The following GNAL variants were observed in gnomAD, a reference collection of about 807,000 sequenced individuals.
GNAL encodes the protein guanine nucleotide-binding protein G(olf) subunit alpha.
Under a neutral mutation model 55.1 loss-of-function variants are expected in GNAL, and 18 were observed. That is an observed-to-expected ratio of 0.33 (90% CI 0.23 to 0.48). The LOEUF is 0.48. Among genes scored for constraint, GNAL ranks in the 20% least tolerant of loss-of-function variants. The pLI is 0.99. For missense variants in GNAL, 412 were observed against 614.1 expected (o/e 0.67, Z 3.48); for synonymous variants, 253 against 237.0 (o/e 1.07, Z -0.62).
Position 11,751,646 on chromosome 18 carries a change from G to A in GNAL, c.377-1207G>A. On this transcript the variant is annotated intron_variant, in intron 1 of 11. Transcript: ENST00000334049. This position sits in a 1 kb window ranked among gnomAD's most constrained non-coding sequence, Gnocchi z 4.5. ...CACTTTCCCGGCTCGGGGTGCAAGAGAGCCAGGCGGCCGCGGCGCAGCGGA... is the reference window on the plus strand; with the variant it reads ...CACTTTCCCGGCTCGGGGTGCAAGAAAGCCAGGCGGCCGCGGCGCAGCGGA... 1 of 985,458 alleles carries A rather than the reference G, an allele frequency of 1.0e-6. No individual in the cohort carries two copies. The allele number at this position is 985,458 out of a possible 1,614,324, so 61.0% of individuals were successfully genotyped here.
chr18:11,792,452 C>T (rs7240664), intron 4 of GNAL, among the ~76,000 whole-genome samples: 14,739 of 152,258 alleles, frequency 0.097, 776 homozygotes, highest in Middle Eastern at 0.15. Flanking sequence ...TCCCAAAGTG[C>T]TAGGATTACA....
At chr18:11,820,302 TATTTTG>T (rs554423216) in intron 4 of GNAL, among the ~76,000 whole-genome samples, 1 of 152,288 alleles carries the variant, frequency 6.6e-6, no homozygotes, top group East Asian at 1.9e-4. Flanking sequence ...GGGGGTGGCG[TATTTTG>T]ATCCCTATCA....
chr18:11,786,916 A>T (rs926238651), intron 4 of GNAL, among the ~76,000 whole-genome samples: 1 of 151,894 alleles, frequency 6.6e-6, no homozygotes, highest in Non-Finnish European at 1.5e-5. Context: ...TGGCCCTGGG[A>T]GGTGGAGGGT....
Position 11,689,822 on chromosome 18 carries a change from G to T in GNAL, c.259G>T (p.Glu87Ter), listed in dbSNP as rs1017262747. The change falls in exon 1 of 12, where the codon GAG becomes TAG. Residue 87 changes from glutamate (E) to a stop codon, truncating the protein, a stop_gained. Coordinates refer to ENST00000334049, the MANE Select transcript of GNAL (RefSeq NM_182978.4). LOFTEE classifies it high-confidence loss of function. ...RTEQLSAEER[E>*]AAKEREAVKE... ...CGAGCAGCTGAGTGCCGAGGAGCGCGAGGCGGCCAAGGAGCGCGAGGCGGT... is the reference window on the plus strand; with the variant it reads ...CGAGCAGCTGAGTGCCGAGGAGCGCTAGGCGGCCAAGGAGCGCGAGGCGGT... 1 of 1,537,810 alleles carries T rather than the reference G, an allele frequency of 6.5e-7. No individual in the cohort carries two copies. Among genetic ancestry groups the T allele is most frequent in the Non-Finnish European group, 8.7e-7 (1 of 1,145,158 alleles).
At chr18:11,746,999 G>A (rs1212905019) in intron 1 of GNAL, 2 of 511,620 alleles carry the variant, frequency 3.9e-6, no homozygotes, top group Non-Finnish European at 7.9e-6. Flanking sequence ...AGATAGCATG[G>A]TGATCTTCTC....
Position 11,872,910 on chromosome 18 carries a change from G to A in GNAL, c.1162+512G>A, listed in dbSNP as rs530972091. ...CCAAGCCCATGCTGGCAGCAGCCGC[G>A]CTTATCTGCTCCTGTCTCTAGCCTT... On this transcript the variant is annotated intron_variant, in intron 10 of 11. Transcript: ENST00000334049. Among the ~76,000 whole-genome samples the A allele has an allele frequency of 9.5e-4, 145 of 152,350 alleles. 1 individual carries two copies. The highest frequency in any genetic ancestry group is 3.3e-3 in the African/African-American group (139 of 41,592).
intron 5 of GNAL, among the ~76,000 whole-genome samples, chr18:11,828,211 T>C (rs916108616): frequency 2.0e-5 from 3 of 152,082 alleles, no homozygotes; most frequent in Admixed American, 6.6e-5. Flanking sequence ...CACTCACTCT[T>C]TCTGCAATAC....
intron 4 of GNAL, among the ~76,000 whole-genome samples, chr18:11,782,361 C>T (rs974896179): frequency 3.3e-5 from 5 of 151,966 alleles, no homozygotes; most frequent in African/African-American, 7.3e-5. Context: ...CAGCCACATG[C>T]AATGACATGG....
intron 9 of GNAL, among the ~76,000 whole-genome samples, chr18:11,869,431 C>A (rs1316227928): frequency 6.6e-6 from 1 of 152,196 alleles, no homozygotes; most frequent in Non-Finnish European, 1.5e-5. Flanking sequence ...GCGTGAGCCA[C>A]CGCACCCGGC....
At chr18:11,848,873 ATTC>A (rs1381706307) in intron 5 of GNAL, among the ~76,000 whole-genome samples, 2 of 152,146 alleles carry the variant, frequency 1.3e-5, no homozygotes, top group Non-Finnish European at 2.9e-5. Flanking sequence ...TCATTATTTT[ATTC>A]TTATTAATTC....
chr18:11,818,398 G>A (rs1032926210), intron 4 of GNAL, among the ~76,000 whole-genome samples: 5 of 152,256 alleles, frequency 3.3e-5, no homozygotes, highest in Admixed American at 2.0e-4. Flanking sequence ...ACCTAAACTC[G>A]AGTTTTAAAA....
chr18:11,860,955 G>A (rs2036118607), intron 5 of GNAL, among the ~76,000 whole-genome samples: 1 of 152,318 alleles, frequency 6.6e-6, no homozygotes, highest in Admixed American at 6.5e-5. Flanking sequence ...ATTGTGGGGT[G>A]GCGTTTTGTG....
chr18:11,777,034 T>C (rs1167868126), intron 4 of GNAL, among the ~76,000 whole-genome samples: 1 of 152,216 alleles, frequency 6.6e-6, no homozygotes, highest in East Asian at 1.9e-4. Context: ...GAAGGACAAA[T>C]ACATTTCTTT....
chr18:11,735,122 C>T (rs567292239), intron 1 of GNAL, among the ~76,000 whole-genome samples: 3 of 151,582 alleles, frequency 2.0e-5, no homozygotes, highest in Non-Finnish European at 4.4e-5. Context: ...ACGATCTTGG[C>T]TCACTGCAAC....
chr18:11,814,067 G>A (rs1223031523), intron 4 of GNAL, among the ~76,000 whole-genome samples: 2 of 152,018 alleles, frequency 1.3e-5, no homozygotes, highest in Non-Finnish European at 2.9e-5. Flanking sequence ...AGGCCTAAAT[G>A]TAAGAGCTGA....
rs546959695 is a variant in GNAL, at chr18:11,862,526, A to G, written c.777+77A>G. ...TCCAATATGATTTAATGATTATTTC[A>G]GAATGAATTAAGGAAAAATCCTTAA... On this transcript the variant is annotated intron_variant, in intron 6 of 11. Transcript: ENST00000334049. The G allele has an allele frequency of 1.3e-5, 16 of 1,224,370 alleles. No individual in the cohort carries two copies. The African/African-American group carries it at 2.2e-4, about 17-fold the overall frequency. 75.8% of individuals were successfully genotyped at this position (1,224,370 alleles called of 1,614,324 possible). A position where few individuals can be genotyped will look rare whatever the true frequency, so the allele number is the denominator to read the frequency against.
chr18:11,715,978 T>C (rs757805313), intron 1 of GNAL, among the ~76,000 whole-genome samples: 7 of 151,686 alleles, frequency 4.6e-5, no homozygotes, highest in Non-Finnish European at 7.4e-5. Context: ...ATGGCTATTA[T>C]TAAAAAGACT....
chr18:11,714,860 G>T (rs1333461004), intron 1 of GNAL, among the ~76,000 whole-genome samples: 1 of 152,224 alleles, frequency 6.6e-6, no homozygotes, highest in African/African-American at 2.4e-5. Flanking sequence ...TCACATTAAG[G>T]ATAGCTAATG....
intron 1 of GNAL, among the ~76,000 whole-genome samples, chr18:11,725,316 G>C (rs1354939179): frequency 1.3e-5 from 2 of 152,142 alleles, no homozygotes; most frequent in African/African-American, 2.4e-5. Flanking sequence ...CAGGCACGGA[G>C]GTAAGACCAT....
Sources: allele counts gnomAD v4.1 joint callset (sites outside exome capture counted in the v4.1 genomes callset), GRCh38; gene constraint gnomAD v4.1.1; non-coding constraint Gnocchi (gnomAD v3.1); transcripts MANE v1.5; gene names NCBI Gene and HGNC (gene_info 2026-07-23, HGNC 2026-07-21).